The following DPP10 variants were observed in gnomAD, a reference collection of about 807,000 sequenced individuals.
DPP10 encodes the protein dipeptidyl peptidase like 10, also known as inactive dipeptidyl peptidase 10.
A neutral mutation model predicts 120.9 loss-of-function variants in DPP10; 33 were observed. The observed-to-expected ratio is 0.27, with a 90% CI of 0.21 to 0.37. The LOEUF is 0.37. Ranked by LOEUF, DPP10 falls within the 10% of genes least tolerant of loss-of-function variation. DPP10 has a pLI of 1.00. For synonymous variants in DPP10, 337 were observed against 326.1 expected (o/e 1.03, Z -0.36); for missense variants, 816 against 942.8 (o/e 0.87, Z 1.76).
At chr2:114,479,530 G>T (rs1429973558) in intron 1 of DPP10, among the ~76,000 whole-genome samples, 1 of 152,134 alleles carries the variant, frequency 6.6e-6, no homozygotes, top group Non-Finnish European at 1.5e-5. Flanking sequence ...TAGACCAATG[G>T]ATCAGAACAG....
intron 1 of DPP10, among the ~76,000 whole-genome samples, chr2:114,756,403 T>C (rs1240846272): frequency 6.6e-6 from 1 of 152,202 alleles, no homozygotes; most frequent in Non-Finnish European, 1.5e-5. Context: ...GATGTTTGGT[T>C]GGCAACAGTT....
intron 5 of DPP10, among the ~76,000 whole-genome samples, chr2:115,656,739 C>T (rs941455021): frequency 6.6e-5 from 10 of 151,540 alleles, no homozygotes; most frequent in Non-Finnish European, 1.3e-4. Flanking sequence ...TTATATTTGG[C>T]GTGTATTCCT....
At chr2:115,325,143 G>A (rs756794674) in intron 2 of DPP10, among the ~76,000 whole-genome samples, 6 of 152,106 alleles carry the variant, frequency 3.9e-5, no homozygotes, top group Non-Finnish European at 8.8e-5. Flanking sequence ...GTGACTGCAT[G>A]CTATCAGAAA....
chr2:114,968,521 G>A (rs1029248868), intron 1 of DPP10, among the ~76,000 whole-genome samples: 18 of 152,120 alleles, frequency 1.2e-4, no homozygotes, highest in Non-Finnish European at 1.9e-4. Flanking sequence ...GTTCTTGGAA[G>A]ATGAATAAGA....
chr2:114,660,293 A>G (rs1246267040), intron 1 of DPP10, among the ~76,000 whole-genome samples: 1 of 152,214 alleles, frequency 6.6e-6, no homozygotes, highest in East Asian at 1.9e-4. Flanking sequence ...CTGGAAAAAA[A>G]ATTACACTTT....
At chr2:114,549,409 T>A (rs1203684438) in intron 1 of DPP10, among the ~76,000 whole-genome samples, 2 of 152,014 alleles carry the variant, frequency 1.3e-5, no homozygotes, top group Admixed American at 1.3e-4. Context: ...ACGCCTATAG[T>A]CCCAGCATTT....
At chr2:115,268,611 T>G (rs893754989) in intron 1 of DPP10, among the ~76,000 whole-genome samples, 17 of 152,186 alleles carry the variant, frequency 1.1e-4, no homozygotes, top group Admixed American at 2.6e-4. Flanking sequence ...TGTTCAGGAA[T>G]CAATGAGAAA....
At chr2:115,545,042 G>C (rs1226004381) in intron 5 of DPP10, among the ~76,000 whole-genome samples, 1 of 151,760 alleles carries the variant, frequency 6.6e-6, no homozygotes, top group Non-Finnish European at 1.5e-5. Flanking sequence ...AGAATACCTC[G>C]ATTTATTACT....
intron 7 of DPP10, among the ~76,000 whole-genome samples, chr2:115,692,195 C>T (rs924831726): frequency 2.8e-5 from 3 of 108,664 alleles, no homozygotes; most frequent in African/African-American, 6.5e-5. Flanking sequence ...ATTATGGTTA[C>T]TGGGTTAAGT....
chr2:115,208,917 C>G (rs1465826911), intron 1 of DPP10, among the ~76,000 whole-genome samples: 3 of 152,154 alleles, frequency 2.0e-5, no homozygotes, highest in East Asian at 3.9e-4. Flanking sequence ...AATACTTGAC[C>G]CTTGTGCTTG....
intron 1 of DPP10, among the ~76,000 whole-genome samples, chr2:115,023,299 A>T (rs949603611): frequency 2.6e-5 from 4 of 151,738 alleles, no homozygotes; most frequent in African/African-American, 9.7e-5. Flanking sequence ...AATCATCAAG[A>T]AAAGAAACAA....
At chr2:115,743,199 A>T (rs1321998002) in intron 9 of DPP10, among the ~76,000 whole-genome samples, 1 of 152,042 alleles carries the variant, frequency 6.6e-6, no homozygotes, top group Non-Finnish European at 1.5e-5. Flanking sequence ...CAAATATTAA[A>T]ATTTACAAAT....
chr2:115,645,575 T>C (rs1052243716), intron 5 of DPP10, among the ~76,000 whole-genome samples: 26 of 152,256 alleles, frequency 1.7e-4, no homozygotes, highest in African/African-American at 5.8e-4. Context: ...TTGCCTGAAA[T>C]TGAGGAAAAT....
intron 1 of DPP10, among the ~76,000 whole-genome samples, chr2:114,690,650 TTAAATCTA>T (rs1699677578): frequency 6.6e-6 from 1 of 152,128 alleles, no homozygotes; most frequent in Admixed American, 6.6e-5. Context: ...GGGAAAAGCA[TTAAATCTA>T]TAAATTACTT....
chr2:115,773,228 G>T (rs1471126981), intron 13 of DPP10, among the ~76,000 whole-genome samples: 2 of 152,098 alleles, frequency 1.3e-5, no homozygotes, highest in African/African-American at 4.8e-5. Context: ...AACTATAAAA[G>T]TGAACATTTA....
chr2:115,555,744 A>C (rs905079200), intron 5 of DPP10, among the ~76,000 whole-genome samples: 1 of 152,038 alleles, frequency 6.6e-6, no homozygotes, highest in Non-Finnish European at 1.5e-5. Flanking sequence ...CCTTTTTTCT[A>C]TCTAAAGATG....
At chr2:115,417,646 C>T (rs1428693886) in intron 3 of DPP10, among the ~76,000 whole-genome samples, 1 of 152,124 alleles carries the variant, frequency 6.6e-6, no homozygotes, top group African/African-American at 2.4e-5. Context: ...TCCAAAATCA[C>T]AGCTGGTAAG....
At chr2:115,005,633 T>C (rs1488161531) in intron 1 of DPP10, among the ~76,000 whole-genome samples, 34 of 151,646 alleles carry the variant, frequency 2.2e-4, no homozygotes, top group Admixed American at 8.6e-4. Context: ...GAAGATGAAA[T>C]GAATGAAATG....
intron 1 of DPP10, among the ~76,000 whole-genome samples, chr2:115,119,913 C>CTGGAAGA (rs1177583371): frequency 2.0e-5 from 3 of 152,126 alleles, no homozygotes; most frequent in African/African-American, 7.2e-5. Flanking sequence ...GGTTTCTTCC[C>CTGGAAGA]AATTTAGCCA....
Sources: gnomAD v4.1 joint callset for allele counts (sites outside exome capture counted in the v4.1 genomes callset) on GRCh38, gnomAD v4.1.1 for gene constraint, MANE v1.5 for transcripts, NCBI Gene and HGNC (gene_info 2026-07-23, HGNC 2026-07-21) for gene names.